The following SMG6 variants were observed in gnomAD, a reference collection of about 807,000 sequenced individuals.
The protein encoded by SMG6 is SMG6 nonsense mediated mRNA decay factor, also known as telomerase-binding protein EST1A.
SMG6 carries 66 observed loss-of-function variants against 142.2 expected under a neutral mutation model. That is an observed-to-expected ratio of 0.46 (90% CI 0.38 to 0.57). The LOEUF is 0.57. SMG6 is among the 20% of genes least tolerant of loss of function. SMG6 has a pLI of 0.00. For missense variants in SMG6, 1,793 were observed against 1,832.0 expected (o/e 0.98, Z 0.39); for synonymous variants, 779 against 702.4 (o/e 1.11, Z -1.72).
At chr17:2,245,107 C>T (rs2073900079) in intron 8 of SMG6, among the ~76,000 whole-genome samples, 1 of 152,166 alleles carries the variant, frequency 6.6e-6, no homozygotes, top group Non-Finnish European at 1.5e-5. Flanking sequence ...AGTGAAGGCC[C>T]TGGTTCTATT....
rs2067743010 is a variant in SMG6 at position 2,060,534 on chromosome 17, A to T, written c.*958T>A. On this transcript the variant is annotated 3_prime_UTR_variant, in exon 19 of 19. Transcript: ENST00000263073. ...GGGAAAGTTCAGAGTGAGAACCCCT[A>T]TGACGAGGAACCGCGGTGAAGAAAT... 6.6e-6 allele frequency: 1 copy of T among 152,278 alleles called. No homozygotes were observed. Among genetic ancestry groups the T allele is most frequent in the Admixed American group, 6.5e-5 (1 of 15,272 alleles). The allele number at this position is 152,278 out of a possible 1,614,324, so 9.4% of individuals were successfully genotyped here. A position where few individuals can be genotyped will look rare whatever the true frequency, so the allele number is the denominator to read the frequency against.
intron 8 of SMG6, among the ~76,000 whole-genome samples, chr17:2,248,312 A>C (rs2073967698): frequency 2.0e-5 from 3 of 152,272 alleles, no homozygotes; most frequent in Admixed American, 1.3e-4. Context: ...AGCTGATTCA[A>C]CCAAGGGCTA....
At chr17:2,213,261 G>T (rs2072916765) in intron 10 of SMG6, among the ~76,000 whole-genome samples, 1 of 152,234 alleles carries the variant, frequency 6.6e-6, no homozygotes, top group South Asian at 2.1e-4. Flanking sequence ...CAATGGAGAG[G>T]TAAACAAATC....
chr17:2,079,062 C>T (rs923897588), intron 15 of SMG6, among the ~76,000 whole-genome samples: 1 of 151,600 alleles, frequency 6.6e-6, no homozygotes, highest in Non-Finnish European at 1.5e-5. Context: ...CTCCTGGGTT[C>T]AAGAGATTCT....
rs1361010776 is a variant in SMG6 at position 2,061,341 on chromosome 17, C to A, written c.*151G>T. The A allele has an allele frequency of 3.9e-6, 3 of 764,446 alleles. No individual in the cohort carries two copies. The highest frequency in any genetic ancestry group is 6.2e-6 in the Non-Finnish European group (3 of 485,612). 47.4% of individuals were successfully genotyped at this position (764,446 alleles called of 1,614,324 possible). The stretch of plus-strand genomic sequence containing the variant: ...GGGGCTCTGTGAGGAGCAGGTCCCC[C>A]ACAGCATGGCCGTGGCGTGGGTTGG... On this transcript the variant is annotated 3_prime_UTR_variant, in exon 19 of 19. Transcript: ENST00000263073.
At chr17:2,199,047 C>T (rs1055590614) in intron 10 of SMG6, among the ~76,000 whole-genome samples, 3 of 151,550 alleles carry the variant, frequency 2.0e-5, no homozygotes, top group Admixed American at 6.6e-5. Flanking sequence ...TCGTCAAGGC[C>T]GTGAATCACT....
At chr17:2,137,700 TGA>T (rs2070349101) in intron 13 of SMG6, among the ~76,000 whole-genome samples, 1 of 152,114 alleles carries the variant, frequency 6.6e-6, no homozygotes, top group Non-Finnish European at 1.5e-5. Flanking sequence ...GACTAGGTCT[TGA>T]GAGAACTTGA....
intron 8 of SMG6, among the ~76,000 whole-genome samples, chr17:2,261,919 T>C (rs1483122633): frequency 6.6e-6 from 1 of 152,154 alleles, no homozygotes; most frequent in Non-Finnish European, 1.5e-5. Flanking sequence ...TCCAGAAGTC[T>C]AAAGGAAAAC....
intron 8 of SMG6, among the ~76,000 whole-genome samples, chr17:2,257,684 T>C (rs1054622532): frequency 6.6e-6 from 1 of 152,002 alleles, no homozygotes; most frequent in Non-Finnish European, 1.5e-5. Context: ...GGCCTTTGTA[T>C]TTATCTTCCA....
chr17:2,222,340 CAA>C (rs914352120), intron 10 of SMG6, among the ~76,000 whole-genome samples: 10 of 151,756 alleles, frequency 6.6e-5, no homozygotes, highest in African/African-American at 2.4e-4. Context: ...TAACATTAAG[CAA>C]AGACTTATAG....
At chr17:2,241,477 A>G (rs768528849) in intron 9 of SMG6, among the ~76,000 whole-genome samples, 1 of 152,160 alleles carries the variant, frequency 6.6e-6, no homozygotes, top group Admixed American at 6.5e-5. Flanking sequence ...CTAAATAAGT[A>G]TTTTTTTACC....
chr17:2,211,249 A>G (rs2151746585), intron 10 of SMG6, among the ~76,000 whole-genome samples: 1 of 152,306 alleles, frequency 6.6e-6, no homozygotes, highest in East Asian at 1.9e-4. Flanking sequence ...ATACATATAT[A>G]TATTTTTGCT....
chr17:2,264,570 A>G (rs2151340783), intron 8 of SMG6, among the ~76,000 whole-genome samples: 1 of 152,162 alleles, frequency 6.6e-6, no homozygotes, highest in East Asian at 1.9e-4. Context: ...ATCAATCTCA[A>G]TTCTTAAAAT....
intron 18 of SMG6, chr17:2,063,374 A>G (rs2067841267): frequency 6.6e-6 from 1 of 152,216 alleles, no homozygotes; most frequent in African/African-American, 2.4e-5. Context: ...TGTGAATCTG[A>G]CAAGTTAATC....
intron 16 of SMG6, 152 bp from the exon 17 acceptor site, chr17:2,065,831 G>T (rs1045355474): frequency 3.0e-6 from 2 of 663,534 alleles, no homozygotes; most frequent in East Asian, 2.7e-5. Context: ...CCGGAGGGGA[G>T]CTTGTGGGGG....
At chr17:2,261,630 T>C (rs1452961441) in intron 8 of SMG6, among the ~76,000 whole-genome samples, 3 of 152,192 alleles carry the variant, frequency 2.0e-5, no homozygotes, top group African/African-American at 7.2e-5. Flanking sequence ...AATAAACAAC[T>C]TTCTGCTACC....
At chr17:2,185,884 G>A (rs2071967183) in intron 12 of SMG6, among the ~76,000 whole-genome samples, 1 of 152,164 alleles carries the variant, frequency 6.6e-6, no homozygotes, top group African/African-American at 2.4e-5. Context: ...TGCCATGCCA[G>A]GAGACAAACT....
At chr17:2,080,788 A>G in intron 15 of SMG6, among the ~76,000 whole-genome samples, 2 of 152,030 alleles carry the variant, frequency 1.3e-5, no homozygotes, top group African/African-American at 4.8e-5. Flanking sequence ...GGTGTGCACC[A>G]CCATGCCCAG....
rs957944873 is a variant in SMG6, at chr17:2,061,026, A to G, written c.*466T>C. On this transcript the variant is annotated 3_prime_UTR_variant, in exon 19 of 19. Transcript: ENST00000263073. The stretch of plus-strand genomic sequence containing the variant: ...GGGCACTTCTTCCTGACTTAACCAA[A>G]GCCTCTTGAACACATTCACGACAGA... 1.9e-5 allele frequency: 3 copies of G among 156,946 alleles called. No homozygotes were observed. Among genetic ancestry groups the G allele is most frequent in the African/African-American group, 7.2e-5 (3 of 41,496 alleles). The allele number at this position is 156,946 out of a possible 1,614,324, so 9.7% of individuals were successfully genotyped here. A position where few individuals can be genotyped will look rare whatever the true frequency, so the allele number is the denominator to read the frequency against.
Sources: gnomAD v4.1 joint callset for allele counts (sites outside exome capture counted in the v4.1 genomes callset) on GRCh38, gnomAD v4.1.1 for gene constraint, MANE v1.5 for transcripts, NCBI Gene and HGNC (gene_info 2026-07-23, HGNC 2026-07-21) for gene names.